Variants in SRPK2 observed in about 807,000 individuals in gnomAD.
SRPK2 encodes SRSF protein kinase 2, also known as SFRS protein kinase 2.
A neutral mutation model predicts 90.8 loss-of-function variants in SRPK2; 21 were observed. That is an observed-to-expected ratio of 0.23 (90% CI 0.16 to 0.33). The LOEUF (loss-of-function observed/expected upper bound fraction) is 0.33. Ranked by LOEUF, SRPK2 falls within the 10% of genes least tolerant of loss-of-function variation. SRPK2 has a pLI of 1.00. For missense variants in SRPK2, 620 were observed against 869.0 expected (o/e 0.71, Z 3.60); for synonymous variants, 288 against 311.1 (o/e 0.93, Z 0.78).
At chr7:105,336,471 GT>G (rs1221152704) in intron 2 of SRPK2, among the ~76,000 whole-genome samples, 1 of 151,978 alleles carries the variant, frequency 6.6e-6, no homozygotes, top group Non-Finnish European at 1.5e-5. Context: ...ATATGTACCA[GT>G]TTTTCAGAAT....
At chr7:105,281,567 A>G (rs1300926050) in intron 2 of SRPK2, among the ~76,000 whole-genome samples, 1 of 152,034 alleles carries the variant, frequency 6.6e-6, no homozygotes, top group Non-Finnish European at 1.5e-5. Context: ...CAGGAGGATC[A>G]CTTGAGCCTT....
chr7:105,292,487 G>A (rs1274894342), intron 2 of SRPK2, among the ~76,000 whole-genome samples: 9 of 98,304 alleles, frequency 9.2e-5, no homozygotes, highest in African/African-American at 3.6e-4. Flanking sequence ...GGGCGATAGA[G>A]TAAGACTCTC....
At chr7:105,223,172 G>T (rs1006304148) in intron 2 of SRPK2, among the ~76,000 whole-genome samples, 1 of 152,176 alleles carries the variant, frequency 6.6e-6, no homozygotes, top group Non-Finnish European at 1.5e-5. Context: ...TCCAGACCGG[G>T]CTCAAGCGCA....
chr7:105,331,384 T>C (rs1814384494), intron 2 of SRPK2, among the ~76,000 whole-genome samples: 1 of 148,998 alleles, frequency 6.7e-6, no homozygotes, highest in Non-Finnish European at 1.5e-5. Flanking sequence ...CACACTATAT[T>C]CAACAAAAAA....
chr7:105,287,991 A>G (rs1487666340), intron 2 of SRPK2, among the ~76,000 whole-genome samples: 1 of 152,202 alleles, frequency 6.6e-6, no homozygotes, highest in Non-Finnish European at 1.5e-5. Context: ...ACACCATTAT[A>G]AATAGCCTCC....
intron 2 of SRPK2, among the ~76,000 whole-genome samples, chr7:105,373,379 A>C (rs1414611153): frequency 7.7e-6 from 1 of 130,462 alleles, no homozygotes; most frequent in African/African-American, 2.5e-5. Flanking sequence ...CTTTGCCACA[A>C]AAAAAAAAAA....
At chr7:105,298,613 T>C (rs1810151747) in intron 2 of SRPK2, 3 of 599,612 alleles carry the variant, frequency 5.0e-6, no homozygotes, top group Non-Finnish European at 6.3e-6. Flanking sequence ...TGGTATCTCT[T>C]ACAAAAAGGA....
At chr7:105,389,368 C>T (rs1463327134), upstream of SRPK2, 1 of 1,269,528 alleles carries the variant, frequency 7.9e-7, no homozygotes, top group Non-Finnish European at 1.0e-6. Context: ...CTTGCAACCC[C>T]ATGAGCGCCG....
intron 2 of SRPK2, among the ~76,000 whole-genome samples, chr7:105,340,663 C>G (rs1435272408): frequency 2.0e-5 from 3 of 152,082 alleles, no homozygotes; most frequent in Non-Finnish European, 2.9e-5. Context: ...ATGCTTATCT[C>G]AAACTCCTGG....
At chr7:105,380,808 T>C (rs1021853267) in intron 2 of SRPK2, among the ~76,000 whole-genome samples, 17 of 151,970 alleles carry the variant, frequency 1.1e-4, no homozygotes, top group Non-Finnish European at 2.2e-4. Context: ...AGGCGTAAGC[T>C]ACCACGCCCA....
chr7:105,223,025 A>AT (rs1433526217), intron 2 of SRPK2, among the ~76,000 whole-genome samples: 1 of 152,150 alleles, frequency 6.6e-6, no homozygotes, highest in Non-Finnish European at 1.5e-5. Flanking sequence ...TACTGAGACA[A>AT]TTACTCTTTG....
intron 2 of SRPK2, among the ~76,000 whole-genome samples, chr7:105,292,031 T>C (rs980918973): frequency 2.0e-5 from 3 of 152,208 alleles, no homozygotes; most frequent in Admixed American, 6.5e-5. Context: ...AGTCACCTCC[T>C]AGTTTTCCCG....
At chr7:105,272,999 A>G (rs1246712814) in intron 2 of SRPK2, among the ~76,000 whole-genome samples, 1 of 151,974 alleles carries the variant, frequency 6.6e-6, no homozygotes, top group Non-Finnish European at 1.5e-5. Context: ...CAAATCACGA[A>G]GGTCAGGAGA....
chr7:105,376,840 C>T (rs1445786882), intron 2 of SRPK2, among the ~76,000 whole-genome samples: 3 of 102,298 alleles, frequency 2.9e-5, no homozygotes, highest in African/African-American at 1.1e-4. Context: ...GCCCGCCCCC[C>T]CACCCCCCTT....
intron 2 of SRPK2, among the ~76,000 whole-genome samples, chr7:105,375,983 CTTTTTTTT>C (rs34445430): frequency 1.9e-4 from 12 of 63,142 alleles, no homozygotes; most frequent in African/African-American, 2.7e-4. Flanking sequence ...GAATTCATTT[CTTTTTTTT>C]TTTTTTTTTT....
intron 2 of SRPK2, among the ~76,000 whole-genome samples, chr7:105,388,365 C>G (rs1319774330): frequency 2.7e-5 from 4 of 150,666 alleles, no homozygotes; most frequent in Middle Eastern, 6.8e-3. Context: ...CTGCCCGGCG[C>G]CTTTCCGCCG....
chr7:105,159,248 G>A (rs911707962), intron 7 of SRPK2, among the ~76,000 whole-genome samples: 6 of 151,864 alleles, frequency 4.0e-5, no homozygotes, highest in African/African-American at 1.5e-4. Flanking sequence ...CACTTTGGAA[G>A]GCAGAGGCAG....
At chr7:105,278,883 A>G (rs1295639533) in intron 2 of SRPK2, among the ~76,000 whole-genome samples, 2 of 152,214 alleles carry the variant, frequency 1.3e-5, no homozygotes, top group Non-Finnish European at 2.9e-5. Flanking sequence ...AAGATGTCCA[A>G]TCATGTTATT....
At chr7:105,199,290 T>A (rs1176894942) in intron 3 of SRPK2, among the ~76,000 whole-genome samples, 1 of 152,200 alleles carries the variant, frequency 6.6e-6, no homozygotes, top group African/African-American at 2.4e-5. Context: ...TGTGATGTCT[T>A]TTGTTGTTAA....
Sources: allele counts gnomAD v4.1 joint callset (sites outside exome capture counted in the v4.1 genomes callset), GRCh38; gene constraint gnomAD v4.1.1; transcripts MANE v1.5; gene names NCBI Gene and HGNC (gene_info 2026-07-23, HGNC 2026-07-21).